GALNT2: variants seen among roughly 807,000 people sequenced by gnomAD.
The protein encoded by GALNT2 is polypeptide N-acetylgalactosaminyltransferase 2, also known as UDP-GalNAc:polypeptide N-acetylgalactosaminyltransferase 2.
A neutral mutation model predicts 81.4 loss-of-function variants in GALNT2; 31 were observed. The ratio of observed to expected loss-of-function variants is 0.38; its 90% CI spans 0.29 to 0.51. The LOEUF (loss-of-function observed/expected upper bound fraction) is 0.51, where lower values mean the gene tolerates loss of function less well. Among genes scored for constraint, GALNT2 ranks in the 20% least tolerant of loss-of-function variants. The pLI is 0.87. For synonymous variants in GALNT2, 303 were observed against 287.4 expected (o/e 1.05, Z -0.55); for missense variants, 629 against 765.7 (o/e 0.82, Z 2.11).
intron 1 of GALNT2, among the ~76,000 whole-genome samples, chr1:230,124,949 G>C (rs1009229187): frequency 6.6e-6 from 1 of 152,174 alleles, no homozygotes; most frequent in African/African-American, 2.4e-5. Context: ...GCACACCCTG[G>C]TGTCTGCACC....
chr1:230,222,805 T>A (rs979851314), intron 3 of GALNT2, among the ~76,000 whole-genome samples: 8 of 152,172 alleles, frequency 5.3e-5, no homozygotes, highest in African/African-American at 1.9e-4. Flanking sequence ...ACAGCAACCC[T>A]ATGAGGCATA....
intron 7 of GALNT2, among the ~76,000 whole-genome samples, chr1:230,245,762 T>TG (rs780415174): frequency 6.6e-6 from 1 of 152,202 alleles, no homozygotes; most frequent in Non-Finnish European, 1.5e-5. Flanking sequence ...TTTAGCTGGG[T>TG]GAACTGATGG....
At chr1:230,131,862 C>G (rs992216664) in intron 1 of GALNT2, among the ~76,000 whole-genome samples, 10 of 152,174 alleles carry the variant, frequency 6.6e-5, no homozygotes, top group African/African-American at 2.4e-4. Context: ...CGTCTGCCAC[C>G]CAGAAGTGAT....
At chr1:230,233,038 A>G (rs933267969) in intron 3 of GALNT2, among the ~76,000 whole-genome samples, 3 of 152,150 alleles carry the variant, frequency 2.0e-5, no homozygotes, top group African/African-American at 7.2e-5. Context: ...TTTATTTTCA[A>G]AATTCACTTC....
At chr1:230,207,284 G>T (rs771549385) in intron 3 of GALNT2, among the ~76,000 whole-genome samples, 79 of 152,002 alleles carry the variant, frequency 5.2e-4, no homozygotes, top group Non-Finnish European at 3.7e-4. Context: ...AACTCAAGAT[G>T]GGCCACACAC....
intron 1 of GALNT2, among the ~76,000 whole-genome samples, chr1:230,125,841 A>AG (rs1661159516): frequency 6.6e-6 from 1 of 152,256 alleles, no homozygotes; most frequent in East Asian, 1.9e-4. Flanking sequence ...TCATTTCTCC[A>AG]GGATTGGAAT....
chr1:230,219,850 C>G (rs1010411937), intron 3 of GALNT2, among the ~76,000 whole-genome samples: 2 of 152,190 alleles, frequency 1.3e-5, no homozygotes, highest in Admixed American at 1.3e-4. Context: ...CTGACTGGCC[C>G]CCTGCCATGG....
intron 1 of GALNT2, among the ~76,000 whole-genome samples, chr1:230,083,210 G>A (rs1236501194): frequency 9.3e-5 from 13 of 139,322 alleles, no homozygotes; most frequent in East Asian, 4.7e-4. Flanking sequence ...ATGATGGAGC[G>A]GGGGGGCCAG....
In GALNT2 at chr1:230,236,030, T is replaced by A. The variant is rs971064511; in HGVS notation, c.391T>A (p.Trp131Arg). Residue 131 changes from tryptophan (W) to arginine (R), a missense_variant, in exon 4 of 16, where the codon TGG becomes AGG. Physicochemically the swap from Trp to Arg is moderately radical, Grantham distance 101. This residue lies in a region of GALNT2 where 360 missense variants were observed against 492.8 expected (regional missense o/e 0.73). Transcript: ENST00000366672. Reference protein sequence around the residue: ...TRHDQCQRKQWRVDLPATSVV... With the variant: ...TRHDQCQRKQRRVDLPATSVV... ...TTCCTGCAGGTGTCAGCGGAAGCAG[T>A]GGCGGGTGGATCTGCCGGCCACCAG... is the stretch of plus-strand genomic sequence containing the variant. 6.2e-7 allele frequency: 1 copy of A among 1,613,266 alleles called. No individual in the cohort carries two copies. Among genetic ancestry groups the A allele is most frequent in the Non-Finnish European group, 8.5e-7 (1 of 1,179,716 alleles).
intron 14 of GALNT2, among the ~76,000 whole-genome samples, chr1:230,266,989 G>GAC (rs35956776): frequency 0.042 from 6,101 of 146,584 alleles, 186 homozygotes; most frequent in East Asian, 0.12. Context: ...GCACGTGTGT[G>GAC]ACACACACAC....
intron 1 of GALNT2, among the ~76,000 whole-genome samples, chr1:230,086,221 G>A (rs1659894502): frequency 6.6e-6 from 1 of 152,138 alleles, no homozygotes; most frequent in South Asian, 2.1e-4. Flanking sequence ...GCTCCTGGAG[G>A]GCTGGAATCT....
intron 3 of GALNT2, among the ~76,000 whole-genome samples, chr1:230,232,971 A>G (rs1440887193): frequency 6.6e-6 from 1 of 152,298 alleles, no homozygotes. Context: ...ACTATAATAA[A>G]AGAAGCCCAT....
chr1:230,183,836 G>C (rs1663233489), intron 2 of GALNT2, among the ~76,000 whole-genome samples: 1 of 152,074 alleles, frequency 6.6e-6, no homozygotes. Context: ...AAATTAGCCA[G>C]GTGTGGTGGT....
At chr1:230,246,232 G>A (rs1467660275) in intron 8 of GALNT2, 82 bp downstream of exon 8, 41 of 1,054,316 alleles carry the variant, frequency 3.9e-5, no homozygotes, top group Non-Finnish European at 5.8e-5. Flanking sequence ...ATTGTCAGGA[G>A]TGACAGTGAC....
chr1:230,122,462 A>G (rs577899757), intron 1 of GALNT2, among the ~76,000 whole-genome samples: 26 of 152,104 alleles, frequency 1.7e-4, no homozygotes, highest in Non-Finnish European at 3.4e-4. Context: ...TTTTCAAATC[A>G]TAGCATGTTG....
intron 1 of GALNT2, among the ~76,000 whole-genome samples, chr1:230,131,460 T>C (rs1661364334): frequency 6.6e-6 from 1 of 152,226 alleles, no homozygotes. Context: ...GTCAATCCCA[T>C]GCAGAGCTTT....
intron 1 of GALNT2, among the ~76,000 whole-genome samples, chr1:230,073,644 A>G (rs1165015899): frequency 2.0e-5 from 3 of 152,246 alleles, no homozygotes; most frequent in Non-Finnish European, 4.4e-5. Context: ...TGTCACATAG[A>G]GTCTCACTCA....
intron 2 of GALNT2, among the ~76,000 whole-genome samples, chr1:230,189,724 C>T (rs955929422): frequency 2.0e-5 from 3 of 152,196 alleles, no homozygotes; most frequent in African/African-American, 7.2e-5. Context: ...AGCGCATTCA[C>T]AGTGTTGTGC....
At position 230,274,552 on chromosome 1, in the gene GALNT2, T is replaced by C. The variant is rs775534181; in HGVS notation, c.1548T>C (p.Asn516=). ...TAAAGCTGCAGGGCTGCCGAGAAAA[T>C]GACAGCAGACAGGTACGGCTTGCAG... ...SLIKLQGCRE[N]DSRQKWEQIE... Residue 516 remains asparagine (N), a synonymous_variant, in exon 15 of 16, where the codon AAT becomes AAC. Coordinates refer to ENST00000366672, the MANE Select transcript of GALNT2 (RefSeq NM_004481.5). 1.2e-5 allele frequency: 20 copies of C among 1,613,826 alleles called. No individual in the cohort carries two copies. The South Asian group carries it at 2.2e-4, about 18-fold the overall frequency.
Sources: allele counts gnomAD v4.1 joint callset (sites outside exome capture counted in the v4.1 genomes callset), GRCh38; gene constraint gnomAD v4.1.1; regional missense constraint gnomAD v4.1.1; transcripts MANE v1.5; gene names NCBI Gene and HGNC (gene_info 2026-07-23, HGNC 2026-07-21).